ALG13: variants seen among roughly 807,000 people sequenced by gnomAD.
ALG13 encodes ALG13 UDP-N-acetylglucosaminyltransferase subunit, also known as UDP-N-acetylglucosamine transferase subunit ALG13.
ALG13 carries 11 observed loss-of-function variants against 87.8 expected under a neutral mutation model. The observed-to-expected ratio is 0.13, with a 90% CI of 0.08 to 0.21. The LOEUF is 0.21. Among genes scored for constraint, ALG13 ranks in the 10% least tolerant of loss-of-function variants. The pLI is 1.00. For synonymous variants in ALG13, 320 were observed against 306.3 expected (o/e 1.04, Z -0.47); for missense variants, 756 against 866.1 (o/e 0.87, Z 1.60).
intron 3 of ALG13, among the ~76,000 whole-genome samples, chrX:111,692,572 T>C (rs1936313004): frequency 1.8e-5 from 2 of 111,470 alleles, no homozygotes; most frequent in Admixed American, 9.6e-5. Context: ...GATGTGACCA[T>C]CATATTGTAT....
chrX:111,720,028 C>A, intron 10 of ALG13, 67 bp from the exon 11 acceptor site: 1 of 759,601 alleles, frequency 1.3e-6, no homozygotes, highest in Non-Finnish European at 1.9e-6. Context: ...GTGGTGTAGT[C>A]ATTAGGCTTA....
At chrX:111,749,626 G>A (rs990678482) in intron 24 of ALG13, among the ~76,000 whole-genome samples, 1 of 109,067 alleles carries the variant, frequency 9.2e-6, no homozygotes, top group Non-Finnish European at 1.9e-5. Flanking sequence ...TAGTATACCC[G>A]TCAATTTATT....
rs1408630878 is a variant in ALG13, at chrX:111,757,866, G to A, written c.3148+104G>A. On this transcript the variant is annotated intron_variant, in intron 26 of 26. Coordinates refer to ENST00000394780, the MANE Select transcript of ALG13 (RefSeq NM_001099922.3). ...TTCATCAGGTCCATGTACTACACCA[G>A]TGATTCTCAAAGCATGATATGTGGA... 1.6e-5 allele frequency: 13 copies of A among 794,738 alleles called. No homozygotes were observed. The Admixed American group carries it at 4.4e-4, about 27-fold the overall frequency. 65.5% of individuals were successfully genotyped at this position (794,738 alleles called of 1,213,427 possible).
At chrX:111,733,765 T>C (rs1275919438) in intron 21 of ALG13, among the ~76,000 whole-genome samples, 2 of 111,538 alleles carry the variant, frequency 1.8e-5, no homozygotes, top group Non-Finnish European at 3.8e-5. Context: ...TAGTTTACAC[T>C]GCCACCAACA....
chrX:111,757,490 C>CT (rs1945365433), intron 25 of ALG13, 98 bp from the exon 26 acceptor site: 1 of 644,250 alleles, frequency 1.6e-6, no homozygotes, highest in Non-Finnish European at 2.2e-6. Context: ...TGGCCCAATT[C>CT]TTATTTTTTT....
intron 3 of ALG13, among the ~76,000 whole-genome samples, chrX:111,702,604 T>C (rs1407226568): frequency 9.0e-6 from 1 of 111,310 alleles, no homozygotes; most frequent in Non-Finnish European, 1.9e-5. Context: ...ATATCCACAC[T>C]GGAGTTCTCT....
intron 24 of ALG13, among the ~76,000 whole-genome samples, chrX:111,745,389 C>T (rs1944145085): frequency 9.0e-6 from 1 of 111,255 alleles, no homozygotes. Flanking sequence ...TTTTCTTAAA[C>T]ATCTAAGGAG....
At chrX:111,685,144 C>T (rs775508293) in intron 3 of ALG13, 41 bp downstream of exon 3, 4 of 1,177,648 alleles carry the variant, frequency 3.4e-6, no homozygotes, top group East Asian at 3.1e-5. Context: ...TGCCTTAATT[C>T]GTCCCTTGCA....
chrX:111,714,505 G>T (rs1386926861), intron 8 of ALG13, among the ~76,000 whole-genome samples: 1 of 110,799 alleles, frequency 9.0e-6, no homozygotes, highest in Non-Finnish European at 1.9e-5. Context: ...TAAGTAGTTG[G>T]ATGTGAGGAG....
At chrX:111,711,157 A>G (rs1283994702) in intron 5 of ALG13, 1 of 112,577 alleles carries the variant, frequency 8.9e-6, no homozygotes, top group Non-Finnish European at 1.9e-5. Context: ...AAAACTCGTC[A>G]TTTTAAGTTT....
chrX:111,756,489 C>A (rs3027822), intron 25 of ALG13, among the ~76,000 whole-genome samples: 2,050 of 111,846 alleles, frequency 0.018, 40 homozygotes, highest in African/African-American at 0.063. Context: ...TTTCACCACT[C>A]CCCTGAGTTG....
intron 24 of ALG13, among the ~76,000 whole-genome samples, chrX:111,751,564 G>A (rs776232657): frequency 3.6e-5 from 4 of 111,616 alleles, no homozygotes; most frequent in African/African-American, 6.5e-5. Flanking sequence ...ATACTGCTAC[G>A]TGCGTTTGTG....
chrX:111,749,749 T>G (rs930021861), intron 24 of ALG13, among the ~76,000 whole-genome samples: 2 of 111,645 alleles, frequency 1.8e-5, no homozygotes, highest in Non-Finnish European at 3.8e-5. Context: ...AAACAGAATT[T>G]TAAAACTTTT....
In ALG13 at chrX:111,730,376, T is replaced by C. The variant is rs376719251; in HGVS notation, c.2369-19T>C. ...GACCTATATAAACACATTTCTTCTG[T>C]CTTGTCTTTTTTCCCCAGGGCGATA... On this transcript the variant is annotated intron_variant, in intron 19 of 26. Coordinates refer to ENST00000394780, the MANE Select transcript of ALG13 (RefSeq NM_001099922.3). The C allele has an allele frequency of 7.1e-5, 86 of 1,204,222 alleles. No homozygotes were observed. The highest frequency in any genetic ancestry group is 9.0e-5 in the Non-Finnish European group (80 of 890,166).
rs767153325 is a variant in ALG13 at position 111,727,633 on chromosome X, C to T, written c.2110C>T (p.Arg704Cys). The T allele has an allele frequency of 1.7e-6, 2 of 1,204,847 alleles. No individual in the cohort carries two copies. Among genetic ancestry groups the T allele is most frequent in the African/African-American group, 1.8e-5 (1 of 57,050 alleles). Residue 704 changes from arginine (R) to cysteine (C), a missense_variant, in exon 18 of 27, where the codon CGC becomes TGC. Transcript: ENST00000394780. ...CTTAAGTTCATTTAGACGTAGTCAC[C>T]GCCAGATGAGTTGTGTGAATAAGGA... ...YRSRSFRRSH[R>C]QMSCVNKESQ... is the part of the protein sequence containing the mutation.
In ALG13 at chrX:111,701,895, T is replaced by A. The variant is rs143354833; in HGVS notation, c.384-6132T>A. Among the ~76,000 whole-genome samples the A allele has an allele frequency of 7.2e-3, 803 of 111,945 alleles. 4 individuals are homozygous for A. The highest frequency in any genetic ancestry group is 0.025 in the African/African-American group (761 of 30,888). ...TTTCATTTGTCTCAAGGGTTTTTTT[T>A]AATTTCCTTTTTGATTTATTCTGTG... On this transcript the variant is annotated intron_variant, in intron 3 of 26. Transcript: ENST00000394780.
At position 111,757,577 on chromosome X, in the gene ALG13, T is replaced by C. The variant is rs746217643; in HGVS notation, c.2974-11T>C. ...AGTTTCTTATTTTTTTGTTGCCCTT[T>C]CTTGCTCAAGTGCTATTACCACAGC... On this transcript the variant is annotated splice_polypyrimidine_tract_variant and intron_variant, in intron 25 of 26. Coordinates refer to ENST00000394780, the MANE Select transcript of ALG13 (RefSeq NM_001099922.3). 1 of 1,186,912 alleles carries C rather than the reference T, an allele frequency of 8.4e-7. No homozygotes were observed. The highest frequency in any genetic ancestry group is 1.1e-6 in the Non-Finnish European group (1 of 883,296).
At chrX:111,693,910 C>A (rs1362108780) in intron 3 of ALG13, among the ~76,000 whole-genome samples, 1 of 111,569 alleles carries the variant, frequency 9.0e-6, no homozygotes, top group Non-Finnish European at 1.9e-5. Context: ...AGGCGAACTT[C>A]AGTAACTTCA....
In ALG13 at chrX:111,690,192, T is replaced by C. The variant is rs1247695619; in HGVS notation, c.383+5089T>C. On this transcript the variant is annotated intron_variant, in intron 3 of 26. Transcript: ENST00000394780. ...CCAAAAGTCTGTTTGAAATGTTTGC[T>C]CTATTTGTTTGGTTTCATTACATGA... is the stretch of plus-strand genomic sequence containing the variant. 128 of 751,418 alleles carry C rather than the reference T, an allele frequency of 1.7e-4. 12 individuals are homozygous for C. The highest frequency in any genetic ancestry group is 1.6e-6 in the Non-Finnish European group (1 of 637,783). 61.9% of individuals were successfully genotyped at this position (751,418 alleles called of 1,213,427 possible). A position where few individuals can be genotyped will look rare whatever the true frequency, so the allele number is the denominator to read the frequency against.
Sources: gnomAD v4.1 joint callset for allele counts (sites outside exome capture counted in the v4.1 genomes callset) on GRCh38, gnomAD v4.1.1 for gene constraint, MANE v1.5 for transcripts, NCBI Gene and HGNC (gene_info 2026-07-23, HGNC 2026-07-21) for gene names.